ATP8B4: variants seen among roughly 807,000 people sequenced by gnomAD.
ATP8B4 encodes the protein probable phospholipid-transporting ATPase IM.
Under a neutral mutation model 145.6 loss-of-function variants are expected in ATP8B4, and 133 were observed. That is an observed-to-expected ratio of 0.91 (90% CI 0.79 to 1.05). The LOEUF (loss-of-function observed/expected upper bound fraction) is 1.05, where lower values mean the gene tolerates loss of function less well. ATP8B4 is among the 50% of genes least tolerant of loss of function. ATP8B4 has a pLI of 0.00. For synonymous variants in ATP8B4, 507 were observed against 492.9 expected (o/e 1.03, Z -0.38); for missense variants, 1,458 against 1,425.2 (o/e 1.02, Z -0.37).
chr15:50,047,103 G>A (rs540834475), intron 4 of ATP8B4, among the ~76,000 whole-genome samples: 1 of 152,286 alleles, frequency 6.6e-6, no homozygotes, highest in Non-Finnish European at 1.5e-5. Flanking sequence ...GCTCTGGTTT[G>A]GTTCAAATAA....
At chr15:49,919,373 G>T (rs1056800660) in intron 18 of ATP8B4, among the ~76,000 whole-genome samples, 2 of 152,086 alleles carry the variant, frequency 1.3e-5, no homozygotes, top group African/African-American at 2.4e-5. Flanking sequence ...ACCAGCAGAC[G>T]CCATAAACTA....
chr15:50,152,627 G>C (rs10744955), intron 1 of ATP8B4, among the ~76,000 whole-genome samples: 95,613 of 151,968 alleles, frequency 0.63, 30,743 homozygotes, highest in East Asian at 0.93. Flanking sequence ...TTTAATCCTG[G>C]GAAAGTCTGT....
intron 1 of ATP8B4, among the ~76,000 whole-genome samples, chr15:50,149,079 T>C (rs2044314233): frequency 6.6e-6 from 1 of 152,188 alleles, no homozygotes. Context: ...GAATCAATAC[T>C]ACAGAGATGA....
intron 2 of ATP8B4, among the ~76,000 whole-genome samples, chr15:50,083,809 T>C (rs114741120): frequency 0.014 from 2,114 of 152,308 alleles, 50 homozygotes; most frequent in African/African-American, 0.049. Context: ...AAGTGATTTA[T>C]CCCAAAAATA....
At chr15:50,075,634 G>C (rs2054123460) in intron 2 of ATP8B4, among the ~76,000 whole-genome samples, 1 of 152,142 alleles carries the variant, frequency 6.6e-6, no homozygotes, top group African/African-American at 2.4e-5. Flanking sequence ...GTCAACAGTT[G>C]ATGATACCTA....
chr15:50,141,364 A>G (rs992477343), intron 1 of ATP8B4, among the ~76,000 whole-genome samples: 3 of 152,244 alleles, frequency 2.0e-5, no homozygotes, highest in East Asian at 3.9e-4. Flanking sequence ...ATCCTGGGCC[A>G]TGGTTTTTGA....
At chr15:50,129,633 A>T (rs7177316) in intron 1 of ATP8B4, among the ~76,000 whole-genome samples, 1 of 151,982 alleles carries the variant, frequency 6.6e-6, no homozygotes, top group East Asian at 1.9e-4. Flanking sequence ...ACATTCCAAC[A>T]TTCCAGGTAG....
At chr15:50,127,627 G>A (rs952907017) in intron 1 of ATP8B4, among the ~76,000 whole-genome samples, 3 of 152,198 alleles carry the variant, frequency 2.0e-5, no homozygotes, top group Non-Finnish European at 2.9e-5. Context: ...CAACCTAGAC[G>A]CATTCTCTCT....
intron 1 of ATP8B4, among the ~76,000 whole-genome samples, chr15:50,128,400 A>G (rs1423498153): frequency 1.3e-5 from 2 of 152,240 alleles, no homozygotes; most frequent in Non-Finnish European, 2.9e-5. Flanking sequence ...CTGGAGGAGA[A>G]AGGTGGCTGC....
At chr15:49,974,341 C>T (rs1171538991) in intron 12 of ATP8B4, among the ~76,000 whole-genome samples, 1 of 151,678 alleles carries the variant, frequency 6.6e-6, no homozygotes, top group East Asian at 1.9e-4. Context: ...CCACCCACCT[C>T]GGCCTCCCAA....
intron 6 of ATP8B4, among the ~76,000 whole-genome samples, chr15:50,027,838 T>G (rs1358346828): frequency 6.6e-6 from 1 of 152,182 alleles, no homozygotes; most frequent in Non-Finnish European, 1.5e-5. Context: ...AAAATCAAGT[T>G]TTTCCTCACC....
At chr15:50,072,921 C>T (rs1255256634) in intron 3 of ATP8B4, among the ~76,000 whole-genome samples, 23 of 27,272 alleles carry the variant, frequency 8.4e-4, no homozygotes, top group African/African-American at 4.3e-4. Context: ...CTGTGCCCGG[C>T]CTCTCTCTCT....
At position 49,898,093 on chromosome 15, in the gene ATP8B4, T is replaced by G; in HGVS notation, c.2448A>C (p.Gly816=). Reference sequence around the variant, plus strand: ...TTTTAATCATGCTGACATCATTGGCTCCATCACCAATGGCCAAAGTAACAG... The same window carrying G: ...TTTTAATCATGCTGACATCATTGGCGCCATCACCAATGGCCAAAGTAACAG... ...RNAVTLAIGD[G]ANDVSMIKSA... is the part of the protein sequence containing the mutation. The change falls in exon 22 of 28, where the codon GGA becomes GGC. Residue 816 remains glycine (G), a synonymous_variant. Transcript: ENST00000284509. The G allele has an allele frequency of 6.2e-7, 1 of 1,613,824 alleles. No individual in the cohort carries two copies. The highest frequency in any genetic ancestry group is 8.5e-7 in the Non-Finnish European group (1 of 1,179,818).
intron 2 of ATP8B4, among the ~76,000 whole-genome samples, chr15:50,087,394 TATC>T (rs1189099767): frequency 2.1e-5 from 3 of 144,078 alleles, no homozygotes; most frequent in Non-Finnish European, 3.0e-5. Flanking sequence ...ATATTATACA[TATC>T]ATATATTTAT....
At chr15:50,079,200 G>C (rs2054384576) in intron 2 of ATP8B4, among the ~76,000 whole-genome samples, 1 of 151,848 alleles carries the variant, frequency 6.6e-6, no homozygotes, top group African/African-American at 2.4e-5. Context: ...CCCATAAATA[G>C]ATATACCTAC....
At chr15:50,127,199 T>C (rs2057313607) in intron 1 of ATP8B4, among the ~76,000 whole-genome samples, 2 of 152,196 alleles carry the variant, frequency 1.3e-5, no homozygotes, top group Admixed American at 1.3e-4. Context: ...TCCCTGCCTT[T>C]AAAAACTCTT....
At chr15:50,018,919 C>T in intron 6 of ATP8B4, 1 of 1,258,616 alleles carries the variant, frequency 7.9e-7, no homozygotes, top group Non-Finnish European at 1.0e-6. Flanking sequence ...AAATCTTCTT[C>T]CTTACAATTA....
At chr15:50,025,964 T>G (rs1472440974) in intron 6 of ATP8B4, among the ~76,000 whole-genome samples, 1 of 152,246 alleles carries the variant, frequency 6.6e-6, no homozygotes, top group South Asian at 2.1e-4. Flanking sequence ...ATTACCCTAG[T>G]AGCCTCATGC....
chr15:50,127,888 G>C (rs533620075), intron 1 of ATP8B4, among the ~76,000 whole-genome samples: 1 of 152,272 alleles, frequency 6.6e-6, no homozygotes, highest in East Asian at 1.9e-4. Flanking sequence ...ACCAAGGTGT[G>C]CCTCACTGTG....
Sources: gnomAD v4.1 joint callset for allele counts (sites outside exome capture counted in the v4.1 genomes callset) on GRCh38, gnomAD v4.1.1 for gene constraint, MANE v1.5 for transcripts, NCBI Gene and HGNC (gene_info 2026-07-23, HGNC 2026-07-21) for gene names.